Variants in LARGE1 observed in about 807,000 individuals in gnomAD.
LARGE1 encodes the protein xylosyl- and glucuronyltransferase LARGE1.
LARGE1 carries 43 observed loss-of-function variants against 87.6 expected under a neutral mutation model. That is an observed-to-expected ratio of 0.49 (90% CI 0.38 to 0.63). The LOEUF (loss-of-function observed/expected upper bound fraction) is 0.63, where lower values mean the gene tolerates loss of function less well. Among genes scored for constraint, LARGE1 ranks in the 30% least tolerant of loss-of-function variants. LARGE1 has a pLI of 0.00. For missense variants in LARGE1, 802 were observed against 1,000.2 expected (o/e 0.80, Z 2.67); for synonymous variants, 434 against 394.6 (o/e 1.10, Z -1.18).
intron 7 of LARGE1, among the ~76,000 whole-genome samples, chr22:33,413,503 C>T (rs1003511452): frequency 2.6e-5 from 4 of 151,950 alleles, no homozygotes; most frequent in South Asian, 2.1e-4. Flanking sequence ...CTTGCTCTGT[C>T]GCCCAGACTG....
intron 6 of LARGE1, among the ~76,000 whole-genome samples, chr22:33,484,752 T>C (rs1225484732): frequency 6.6e-6 from 1 of 152,196 alleles, no homozygotes; most frequent in Non-Finnish European, 1.5e-5. Context: ...GCCCCCGGTC[T>C]GGTTATTCCT....
intron 11 of LARGE1, among the ~76,000 whole-genome samples, chr22:33,199,248 C>T (rs1440275155): frequency 6.7e-6 from 1 of 150,352 alleles, no homozygotes; most frequent in Non-Finnish European, 1.5e-5. Context: ...CTTGTAGATT[C>T]TAGATATTAG....
At position 33,216,935 on chromosome 22, in the gene LARGE1, C is replaced by T. The variant is rs1925234729; in HGVS notation, c.1731-50103G>A. Among the ~76,000 whole-genome samples, 6 of 152,288 alleles carry T rather than the reference C, an allele frequency of 3.9e-5. No individual in the cohort carries two copies. The South Asian group carries it at 1.0e-3, about 26-fold the overall frequency. ...GGAGCATTTGCTGCAGGTGCTCAGT[C>T]TCATTAATAGGAAAACGTAGATGAA... is the stretch of plus-strand genomic sequence containing the variant. On this transcript the variant is annotated intron_variant, in intron 11 of 11. Transcript: ENST00000608642.
intron 6 of LARGE1, among the ~76,000 whole-genome samples, chr22:33,486,805 G>T (rs142083767): frequency 6.6e-6 from 1 of 152,280 alleles, no homozygotes; most frequent in African/African-American, 2.4e-5. Context: ...GAGGGGACCT[G>T]CATGAGTGTC....
chr22:33,488,816 C>T (rs2069698094), intron 6 of LARGE1, among the ~76,000 whole-genome samples: 1 of 152,158 alleles, frequency 6.6e-6, no homozygotes, highest in African/African-American at 2.4e-5. Flanking sequence ...AGTCATCATT[C>T]TAGACATAAC....
chr22:33,710,146 A>G (rs934999008), intron 2 of LARGE1, among the ~76,000 whole-genome samples: 1 of 152,184 alleles, frequency 6.6e-6, no homozygotes, highest in Non-Finnish European at 1.5e-5. Flanking sequence ...GAAGCAGAAG[A>G]CAATAGCTCA....
intron 6 of LARGE1, among the ~76,000 whole-genome samples, chr22:33,442,116 C>T (rs556869929): frequency 1.3e-5 from 2 of 152,124 alleles, no homozygotes; most frequent in East Asian, 1.9e-4. Flanking sequence ...GGAAGAAAGA[C>T]GTTGCTTATT....
At chr22:33,783,828 G>A (rs1393991654) in intron 1 of LARGE1, among the ~76,000 whole-genome samples, 1 of 152,006 alleles carries the variant, frequency 6.6e-6, no homozygotes, top group Non-Finnish European at 1.5e-5. Context: ...TAACTTCCCT[G>A]GTGGTTATTG....
chr22:33,401,289 A>G (rs978144770), intron 7 of LARGE1, among the ~76,000 whole-genome samples: 1 of 152,100 alleles, frequency 6.6e-6, no homozygotes, highest in Non-Finnish European at 1.5e-5. Context: ...ATTTGGAAAC[A>G]GGGTCTTTAA....
In LARGE1 at chr22:33,543,814, G is replaced by C. The variant is rs548167167; in HGVS notation, c.787+21034C>G. On this transcript the variant is annotated intron_variant, in intron 6 of 14. Coordinates refer to ENST00000397394, the MANE Select transcript of LARGE1 (RefSeq NM_133642.5). ...GTCTAGGAAAGAGGTAACACGGCAG[G>C]CTTGACACTGCTGTCCTTAGAACGA... is the stretch of plus-strand genomic sequence containing the variant. 3.9e-4 allele frequency among the ~76,000 whole-genome samples: 59 copies of C among 152,334 alleles called. 1 individual carries two copies. The highest frequency in any genetic ancestry group is 3.4e-3 in the Middle Eastern group (1 of 294).
intron 1 of LARGE1, among the ~76,000 whole-genome samples, chr22:33,872,912 AT>A (rs916373397): frequency 2.6e-5 from 4 of 152,124 alleles, no homozygotes; most frequent in African/African-American, 9.7e-5. Flanking sequence ...AGGCAGGAGA[AT>A]TGCCTGAACC....
At chr22:33,335,433 G>A (rs930633165) in intron 10 of LARGE1, among the ~76,000 whole-genome samples, 3 of 152,174 alleles carry the variant, frequency 2.0e-5, no homozygotes, top group African/African-American at 4.8e-5. Flanking sequence ...GAGCAGGGGC[G>A]CACTGTGACC....
intron 1 of LARGE1, among the ~76,000 whole-genome samples, chr22:33,914,660 A>G (rs1460366103): frequency 6.6e-6 from 1 of 152,166 alleles, no homozygotes; most frequent in Non-Finnish European, 1.5e-5. Context: ...AGTGCTTTAT[A>G]TTTCAAGGAA....
intron 6 of LARGE1, among the ~76,000 whole-genome samples, chr22:33,487,665 C>A (rs983828118): frequency 7.9e-5 from 12 of 152,256 alleles, no homozygotes; most frequent in South Asian, 2.1e-4. Flanking sequence ...GTTGAGATGG[C>A]CTCCTTTAGC....
exon 12 of LARGE1, chr22:33,164,780 A>G (rs946442112): frequency 6.6e-6 from 1 of 152,116 alleles, no homozygotes; most frequent in Non-Finnish European, 1.5e-5. Context: ...GGCCTCCCAA[A>G]GTGCTGGTAT....
At chr22:33,704,858 C>T (rs1374209341) in intron 2 of LARGE1, 1 of 152,292 alleles carries the variant, frequency 6.6e-6, no homozygotes, top group East Asian at 1.9e-4. Context: ...GCTGGGTCTG[C>T]TCTAGCACTG....
intron 6 of LARGE1, among the ~76,000 whole-genome samples, chr22:33,553,902 G>A (rs2077601298): frequency 1.3e-5 from 2 of 152,146 alleles, no homozygotes; most frequent in South Asian, 4.1e-4. Context: ...GAGAGTCTGA[G>A]CCCTGTGTGT....
intron 12 of LARGE1, among the ~76,000 whole-genome samples, chr22:33,286,431 A>AG (rs536577744): frequency 1.4e-4 from 21 of 152,164 alleles, no homozygotes; most frequent in Non-Finnish European, 2.5e-4. Context: ...TCCCTGGGGC[A>AG]GGGGGGAAGG....
chr22:33,453,817 A>C (rs971547247), intron 6 of LARGE1, among the ~76,000 whole-genome samples: 1 of 152,162 alleles, frequency 6.6e-6, no homozygotes, highest in Non-Finnish European at 1.5e-5. Context: ...TTCTAACAAA[A>C]TCTCTTTGAA....
Sources: gnomAD v4.1 joint callset for allele counts (sites outside exome capture counted in the v4.1 genomes callset) on GRCh38, gnomAD v4.1.1 for gene constraint, MANE v1.5 for transcripts, NCBI Gene and HGNC (gene_info 2026-07-23, HGNC 2026-07-21) for gene names.